The following ITPRID1 variants were observed in gnomAD, a reference collection of about 807,000 sequenced individuals.
ITPRID1 encodes the protein protein ITPRID1.
ITPRID1 carries 96 observed loss-of-function variants against 95.4 expected under a neutral mutation model. That is an observed-to-expected ratio of 1.01 (90% CI 0.85 to 1.19). ITPRID1 has a LOEUF of 1.19. Ranked by LOEUF, ITPRID1 falls within the 50% of genes most tolerant of loss-of-function variation. The pLI is 0.00. For synonymous variants in ITPRID1, 510 were observed against 453.6 expected (o/e 1.12, Z -1.58); for missense variants, 1,339 against 1,252.9 (o/e 1.07, Z -1.04).
At chr7:31,628,142 C>T (rs537986883) in intron 10 of ITPRID1, among the ~76,000 whole-genome samples, 9 of 152,312 alleles carry the variant, frequency 5.9e-5, no homozygotes, top group South Asian at 4.1e-4. Flanking sequence ...CAATAAAGGA[C>T]GGCAGCCATT....
chr7:31,585,725 T>C (rs1785568000), intron 10 of ITPRID1, among the ~76,000 whole-genome samples: 1 of 152,130 alleles, frequency 6.6e-6, no homozygotes, highest in African/African-American at 2.4e-5. Context: ...TATCACCTTA[T>C]AAAATCATCA....
At chr7:31,639,072 C>T (rs1432026711) in intron 10 of ITPRID1, among the ~76,000 whole-genome samples, 1 of 152,140 alleles carries the variant, frequency 6.6e-6, no homozygotes, top group Non-Finnish European at 1.5e-5. Context: ...CCACTGCGCC[C>T]AGCCAGTAAT....
chr7:31,549,085 G>A lies in ITPRID1; in HGVS notation c.-97-341G>A, dbSNP rs141406320. Reference sequence around the variant, plus strand: ...GATCCATTTGGATGCAGAATGCCTCGGGCTGTTCTCCCATTATGCAGTTCT... The same window carrying A: ...GATCCATTTGGATGCAGAATGCCTCAGGCTGTTCTCCCATTATGCAGTTCT... On this transcript the variant is annotated intron_variant, in intron 1 of 14. Coordinates refer to ENST00000615280, the MANE Select transcript of ITPRID1 (RefSeq NM_001257967.3). Among the ~76,000 whole-genome samples, 247 of 152,162 alleles carry A rather than the reference G, an allele frequency of 1.6e-3. 2 individuals carry two copies. Among genetic ancestry groups the A allele is most frequent in the African/African-American group, 5.7e-3 (236 of 41,516 alleles).
At chr7:31,623,622 T>G (rs1788143101) in intron 10 of ITPRID1, among the ~76,000 whole-genome samples, 1 of 130,198 alleles carries the variant, frequency 7.7e-6, no homozygotes. Flanking sequence ...ATAAGAGCTA[T>G]CTATGACAAA....
chr7:31,583,053 C>T (rs1031978581), intron 9 of ITPRID1, 81 bp from the exon 10 acceptor site: 3 of 957,152 alleles, frequency 3.1e-6, no homozygotes, highest in Non-Finnish European at 3.3e-6. Context: ...TATCAGTTGC[C>T]AGTCTTATTA....
At chr7:31,619,831 G>A (rs1313365187) in intron 10 of ITPRID1, among the ~76,000 whole-genome samples, 1 of 152,180 alleles carries the variant, frequency 6.6e-6, no homozygotes, top group East Asian at 1.9e-4. Context: ...AGCGCAAGGG[G>A]TCAGGGAGTT....
chr7:31,595,345 T>TACACACACACACACACACACACAC (rs58632355), intron 10 of ITPRID1, among the ~76,000 whole-genome samples: 1,767 of 147,094 alleles, frequency 0.012, 33 homozygotes, highest in African/African-American at 0.034. Flanking sequence ...ATGCCCGGCC[T>TACACACACACACACACACACACAC]ACACACACAC....
At chr7:31,552,583 G>T (rs987803002) in intron 2 of ITPRID1, among the ~76,000 whole-genome samples, 1 of 152,194 alleles carries the variant, frequency 6.6e-6, no homozygotes, top group Non-Finnish European at 1.5e-5. Flanking sequence ...ACTGAGCCAA[G>T]CCAATCTGTT....
intron 4 of ITPRID1, 77 bp downstream of exon 4, chr7:31,554,600 T>C (rs1562565674): frequency 6.4e-7 from 1 of 1,569,884 alleles, no homozygotes; most frequent in East Asian, 2.3e-5. Context: ...TAACTCTGCC[T>C]GGGCAAGGTC....
rs771227920 is a variant in ITPRID1 at position 31,643,197 on chromosome 7, C to T, written c.1827C>T (p.Phe609=). ...SPGNDHTQDK[F]LHVDSEAPRE... ...GAAATGATCATACTCAAGACAAGTTCCTTCATGTTGACTCTGAGGCCCCAC... is the reference window on the plus strand; with the variant it reads ...GAAATGATCATACTCAAGACAAGTTTCTTCATGTTGACTCTGAGGCCCCAC... Residue 609 remains phenylalanine (F), a synonymous_variant, in exon 12 of 15, where the codon TTC becomes TTT. Coordinates refer to ENST00000615280, the MANE Select transcript of ITPRID1 (RefSeq NM_001257967.3). 6.2e-7 allele frequency: 1 copy of T among 1,613,932 alleles called. No homozygotes were observed. The highest frequency in any genetic ancestry group is 2.2e-5 in the East Asian group (1 of 44,860).
intron 9 of ITPRID1, among the ~76,000 whole-genome samples, chr7:31,582,238 T>G (rs756603596): frequency 3.9e-5 from 6 of 152,202 alleles, no homozygotes; most frequent in Non-Finnish European, 7.3e-5. Flanking sequence ...CAGCCTACTG[T>G]CCTGTCATTA....
At chr7:31,525,864 T>C (rs1783407000) in intron 1 of ITPRID1, among the ~76,000 whole-genome samples, 2 of 152,208 alleles carry the variant, frequency 1.3e-5, no homozygotes, top group South Asian at 4.1e-4. Context: ...CTGTTTATTC[T>C]TGTAGCTTAC....
chr7:31,582,327 A>C (rs568804951), intron 9 of ITPRID1, among the ~76,000 whole-genome samples: 13 of 152,220 alleles, frequency 8.5e-5, no homozygotes, highest in Admixed American at 5.2e-4. Context: ...AAATTTGACT[A>C]TGTGACAATA....
chr7:31,569,111 C>T (rs1784896025), intron 5 of ITPRID1, among the ~76,000 whole-genome samples: 1 of 152,142 alleles, frequency 6.6e-6, no homozygotes, highest in African/African-American at 2.4e-5. Context: ...GAATAAATTC[C>T]TAGATGCACT....
chr7:31,525,099 A>G (rs577147748), intron 1 of ITPRID1, among the ~76,000 whole-genome samples: 1 of 152,312 alleles, frequency 6.6e-6, no homozygotes, highest in African/African-American at 2.4e-5. Flanking sequence ...TTTACAGGCC[A>G]TTTATCATGC....
chr7:31,657,451 G>T (rs1246565519), downstream of ITPRID1, among the ~76,000 whole-genome samples: 1 of 152,190 alleles, frequency 6.6e-6, no homozygotes, highest in African/African-American at 2.4e-5. Flanking sequence ...ACATTGCACT[G>T]TGCTAATTGC....
At chr7:31,636,643 C>G (rs1198429264) in intron 10 of ITPRID1, among the ~76,000 whole-genome samples, 1 of 151,896 alleles carries the variant, frequency 6.6e-6, no homozygotes, top group African/African-American at 2.4e-5. Context: ...GTCTCACGCT[C>G]TCCTATCCCA....
intron 10 of ITPRID1, among the ~76,000 whole-genome samples, chr7:31,600,376 CT>C: frequency 6.6e-6 from 1 of 152,256 alleles, no homozygotes; most frequent in African/African-American, 2.4e-5. Context: ...TAGAACTGCC[CT>C]AAACATTTCA....
intron 10 of ITPRID1, among the ~76,000 whole-genome samples, chr7:31,628,459 TTC>T (rs1210543585): frequency 6.8e-6 from 1 of 147,542 alleles, no homozygotes; most frequent in African/African-American, 2.6e-5. Flanking sequence ...TTTTTTTTTT[TTC>T]TTTTTTTTTC....
Sources: gnomAD v4.1 joint callset for allele counts (sites outside exome capture counted in the v4.1 genomes callset) on GRCh38, gnomAD v4.1.1 for gene constraint, MANE v1.5 for transcripts, NCBI Gene and HGNC (gene_info 2026-07-23, HGNC 2026-07-21) for gene names.